DLG2: variants seen among roughly 807,000 people sequenced by gnomAD.
The protein encoded by DLG2 is disks large homolog 2.
In DLG2, 45 loss-of-function variants were observed where a neutral mutation model predicts 132.5. That is an observed-to-expected ratio of 0.34 (90% CI 0.27 to 0.44). DLG2 has a LOEUF of 0.44. DLG2 is among the 20% of genes least tolerant of loss of function. The pLI, the probability that DLG2 is intolerant of heterozygous loss-of-function variation, is 1.00. For missense variants in DLG2, 1,045 were observed against 1,196.9 expected (o/e 0.87, Z 1.87); for synonymous variants, 424 against 419.6 (o/e 1.01, Z -0.13).
intron 6 of DLG2, among the ~76,000 whole-genome samples, chr11:84,976,666 C>A (rs2054950221): frequency 1.3e-5 from 2 of 152,030 alleles, no homozygotes; most frequent in South Asian, 4.2e-4. Flanking sequence ...TAAAAATACA[C>A]TATAGGAAAT....
chr11:84,438,546 C>T (rs763503243), intron 7 of DLG2, among the ~76,000 whole-genome samples: 1 of 152,134 alleles, frequency 6.6e-6, no homozygotes, highest in African/African-American at 2.4e-5. Flanking sequence ...TGAAATATCA[C>T]CTTTGGGGAG....
At position 84,714,609 on chromosome 11, in the gene DLG2, CTTTCTCTT is replaced by C. The variant is rs1565750174; in HGVS notation, c.358-179886_358-179879del. ...TCTCTTTCTCTTTCTTTCTCTTTCT[CTTTCTCTT>C]TCTCTTTCTCTCTCTCTCTCTCTCT... On this transcript the variant is annotated intron_variant, in intron 6 of 27. Transcript: ENST00000376104. Among the ~76,000 whole-genome samples the C allele has an allele frequency of 8.4e-3, 950 of 112,530 alleles. 20 individuals carry two copies. The highest frequency in any genetic ancestry group is 0.012 in the Non-Finnish European group (628 of 52,050). The allele number at this position is 112,530 out of a possible 152,430, so 73.8% of individuals were successfully genotyped here. A position where few individuals can be genotyped will look rare whatever the true frequency, so the allele number is the denominator to read the frequency against.
At chr11:84,628,007 A>C (rs1305664330) in intron 6 of DLG2, among the ~76,000 whole-genome samples, 1 of 152,114 alleles carries the variant, frequency 6.6e-6, no homozygotes, top group Non-Finnish European at 1.5e-5. Context: ...TATATGATCC[A>C]AACTCTATCA....
chr11:85,473,484 A>G (rs1008925668), intron 3 of DLG2, among the ~76,000 whole-genome samples: 2 of 152,230 alleles, frequency 1.3e-5, no homozygotes, highest in Non-Finnish European at 2.9e-5. Context: ...ATATTTTTTA[A>G]AAAATTTAAT....
intron 3 of DLG2, among the ~76,000 whole-genome samples, chr11:85,427,996 A>G: frequency 6.6e-6 from 1 of 152,032 alleles, no homozygotes; most frequent in Admixed American, 6.6e-5. Flanking sequence ...GATAAAACAG[A>G]CTTTAAACCA....
intron 14 of DLG2, among the ~76,000 whole-genome samples, chr11:83,960,672 T>C (rs1358561817): frequency 1.3e-5 from 2 of 151,870 alleles, no homozygotes; most frequent in Non-Finnish European, 2.9e-5. Context: ...AGTTCTTAGA[T>C]GCTATTTCTT....
intron 6 of DLG2, among the ~76,000 whole-genome samples, chr11:84,649,794 C>A (rs2099679320): frequency 1.3e-5 from 2 of 152,124 alleles, no homozygotes; most frequent in African/African-American, 4.8e-5. Context: ...ATGCTTTATG[C>A]CTGCAATCCT....
intron 19 of DLG2, among the ~76,000 whole-genome samples, chr11:83,559,867 G>C (rs1037741626): frequency 6.6e-6 from 1 of 152,158 alleles, no homozygotes; most frequent in Non-Finnish European, 1.5e-5. Context: ...GGCAGATAAG[G>C]GTACTGGAAG....
At chr11:83,634,387 A>G (rs2064257243) in intron 18 of DLG2, among the ~76,000 whole-genome samples, 1 of 152,208 alleles carries the variant, frequency 6.6e-6, no homozygotes, top group Admixed American at 6.5e-5. Context: ...TGATGTTTCA[A>G]TATTTTTTAT....
chr11:84,214,835 G>A (rs1421679900), intron 8 of DLG2, among the ~76,000 whole-genome samples: 1 of 152,020 alleles, frequency 6.6e-6, no homozygotes, highest in African/African-American at 2.4e-5. Flanking sequence ...CAGGCACTTA[G>A]GTAATCTATT....
At chr11:85,560,962 G>T (rs897774943) in intron 3 of DLG2, among the ~76,000 whole-genome samples, 7 of 151,422 alleles carry the variant, frequency 4.6e-5, no homozygotes, top group African/African-American at 1.5e-4. Flanking sequence ...AGCCTGAGAG[G>T]TCAAGGCTGC....
intron 3 of DLG2, among the ~76,000 whole-genome samples, chr11:85,336,955 C>T (rs2082176359): frequency 6.6e-6 from 1 of 152,170 alleles, no homozygotes. Context: ...GAAGTACTGG[C>T]TTCCACTGTA....
At chr11:84,586,138 G>A (rs1288377750) in intron 6 of DLG2, among the ~76,000 whole-genome samples, 1 of 123,256 alleles carries the variant, frequency 8.1e-6, no homozygotes, top group African/African-American at 3.5e-5. Context: ...GTGACAGAGT[G>A]AGATTCTGAC....
intron 6 of DLG2, among the ~76,000 whole-genome samples, chr11:84,857,142 G>A (rs1054259987): frequency 2.8e-4 from 43 of 151,796 alleles, no homozygotes; most frequent in African/African-American, 1.0e-3. Context: ...ATACAGACAG[G>A]TTACAATGAA....
intron 16 of DLG2, among the ~76,000 whole-genome samples, chr11:83,848,580 C>A (rs940162419): frequency 3.3e-5 from 5 of 152,162 alleles, no homozygotes; most frequent in African/African-American, 9.7e-5. Flanking sequence ...AATCATCCAA[C>A]AAATGCAGTC....
chr11:84,917,122 G>A (rs755373192), intron 6 of DLG2, among the ~76,000 whole-genome samples: 5 of 152,140 alleles, frequency 3.3e-5, no homozygotes, highest in Non-Finnish European at 7.4e-5. Flanking sequence ...TTCTATGAGG[G>A]TAGAGATTAT....
intron 18 of DLG2, among the ~76,000 whole-genome samples, chr11:83,642,587 A>G (rs551434483): frequency 6.6e-6 from 1 of 152,264 alleles, no homozygotes; most frequent in East Asian, 1.9e-4. Flanking sequence ...ACATACATCA[A>G]ATTTCAATTT....
At chr11:83,643,781 T>C (rs1173054000) in intron 18 of DLG2, 5 of 151,510 alleles carry the variant, frequency 3.3e-5, no homozygotes, top group African/African-American at 1.2e-4. Flanking sequence ...AGTCAATTTA[T>C]CCAAGGCCAC....
At chr11:84,394,031 A>G (rs1257411559) in intron 7 of DLG2, among the ~76,000 whole-genome samples, 1 of 151,938 alleles carries the variant, frequency 6.6e-6, no homozygotes, top group Non-Finnish European at 1.5e-5. Context: ...GATTACAGGC[A>G]TGCATCAACA....
Sources: gnomAD v4.1 joint callset for allele counts (sites outside exome capture counted in the v4.1 genomes callset) on GRCh38, gnomAD v4.1.1 for gene constraint, MANE v1.5 for transcripts, NCBI Gene and HGNC (gene_info 2026-07-23, HGNC 2026-07-21) for gene names.